The following EPSTI1 variants were observed in gnomAD, a reference collection of about 807,000 sequenced individuals.
EPSTI1 encodes epithelial stromal interaction 1.
Under a neutral mutation model 49.9 loss-of-function variants are expected in EPSTI1, and 66 were observed. The observed-to-expected ratio is 1.32, with a 90% confidence interval of 1.08 to 1.62. The LOEUF is 1.62. Among genes scored for constraint, EPSTI1 ranks in the 40% most tolerant of loss-of-function variants. The pLI is 0.00. For synonymous variants in EPSTI1, 137 were observed against 130.7 expected (o/e 1.05, Z -0.33); for missense variants, 394 against 365.5 (o/e 1.08, Z -0.64).
chr13:42,975,630 G>A (rs1413004737), intron 1 of EPSTI1, among the ~76,000 whole-genome samples: 1 of 152,192 alleles, frequency 6.6e-6, no homozygotes, highest in East Asian at 1.9e-4. Flanking sequence ...TAGAAAAAAA[G>A]TGCTGCTTCT....
rs758729554 is a variant in EPSTI1, at chr13:42,888,281, T to C, written c.*213A>G. The C allele has an allele frequency of 1.2e-5, 19 of 1,612,684 alleles. No homozygotes were observed. Among genetic ancestry groups the C allele is most frequent in the Middle Eastern group, 1.6e-4 (1 of 6,084 alleles). ...AAATAATGTAGCATTTCCCTGGCAG[T>C]AGAGATTAAATATGAGTTCAGGAAT... On this transcript the variant is annotated 3_prime_UTR_variant, in exon 11 of 11. Transcript: ENST00000313624.
chr13:42,969,337 C>T (rs1487292007), intron 2 of EPSTI1, 160 bp from the exon 3 acceptor site: 7 of 685,998 alleles, frequency 1.0e-5, no homozygotes, highest in African/African-American at 9.1e-5. Context: ...AGCCCTGACC[C>T]GTACAGGTCA....
intron 10 of EPSTI1, among the ~76,000 whole-genome samples, chr13:42,890,296 C>CTTT (rs71202241): frequency 2.4e-4 from 28 of 116,286 alleles, no homozygotes; most frequent in Middle Eastern, 4.8e-3. Context: ...TTTTTCTTTT[C>CTTT]TTTTTTTTTT....
chr13:42,991,516 C>G (rs943001124), intron 1 of EPSTI1, among the ~76,000 whole-genome samples: 2 of 152,220 alleles, frequency 1.3e-5, no homozygotes, highest in Admixed American at 1.3e-4. Flanking sequence ...AACTCCTGAC[C>G]TCAGGTGATC....
intron 10 of EPSTI1, among the ~76,000 whole-genome samples, chr13:42,894,479 A>G (rs1324037634): frequency 2.6e-5 from 4 of 152,232 alleles, no homozygotes; most frequent in African/African-American, 9.6e-5. Flanking sequence ...CATTAAACAC[A>G]TATTGCAACA....
intron 1 of EPSTI1, among the ~76,000 whole-genome samples, chr13:42,989,032 ATTTTTTTT>A (rs74772535): frequency 0.37 from 35,568 of 97,008 alleles, 6,112 homozygotes; most frequent in Non-Finnish European, 0.45. Flanking sequence ...GATAATTTAA[ATTTTTTTT>A]TTTTTTTTTT....
chr13:42,966,678 G>T (rs1215176042), intron 3 of EPSTI1, among the ~76,000 whole-genome samples: 13 of 78,020 alleles, frequency 1.7e-4, no homozygotes, highest in South Asian at 7.0e-4. Context: ...AGCCACCCCG[G>T]CCGGGAGGGA....
chr13:42,886,772 T>A lies in EPSTI1; in HGVS notation c.*1722A>T, dbSNP rs1267112817. 2 of 152,198 alleles carry A rather than the reference T, an allele frequency of 1.3e-5. No individual in the cohort carries two copies. Among genetic ancestry groups the A allele is most frequent in the African/African-American group, 4.8e-5 (2 of 41,454 alleles). The allele number at this position is 152,198 out of a possible 1,614,324, so 9.4% of individuals were successfully genotyped here. ...TTCTGGTCATGAAGTAAGTCACAAT[T>A]TTCCATATCTGCACAATTTTTAAAA... On this transcript the variant is annotated 3_prime_UTR_variant, in exon 11 of 11. Coordinates refer to ENST00000313624, the MANE Select transcript of EPSTI1 (RefSeq NM_033255.5).
At chr13:42,968,936 A>G (rs1225547534) in intron 3 of EPSTI1, among the ~76,000 whole-genome samples, 158 bp downstream of exon 3, 1 of 129,226 alleles carries the variant, frequency 7.7e-6, no homozygotes, top group East Asian at 2.3e-4. Flanking sequence ...ACACACACAC[A>G]CACACACACA....
In EPSTI1 at chr13:42,917,637, A is replaced by G. The variant is rs761187202; in HGVS notation, c.658-13T>C. 1.2e-5 allele frequency: 15 copies of G among 1,256,332 alleles called. No individual in the cohort carries two copies. The African/African-American group carries it at 2.8e-4, about 23-fold the overall frequency. The allele number at this position is 1,256,332 out of a possible 1,614,324, so 77.8% of individuals were successfully genotyped here. A position where few individuals can be genotyped will look rare whatever the true frequency, so the allele number is the denominator to read the frequency against. On this transcript the variant is annotated splice_polypyrimidine_tract_variant and intron_variant, in intron 7 of 10. Coordinates refer to ENST00000313624, the MANE Select transcript of EPSTI1 (RefSeq NM_033255.5). The stretch of plus-strand genomic sequence containing the variant: ...CCCAGCTTCTGGCCTGTAAAGGTAC[A>G]AAGAGAAAAAAAAAAAAAAAAACAA...
At chr13:42,960,022 C>G (rs1054352486) in intron 5 of EPSTI1, among the ~76,000 whole-genome samples, 1 of 68,618 alleles carries the variant, frequency 1.5e-5, no homozygotes, top group Non-Finnish European at 4.1e-5. Flanking sequence ...TTAAAGCATA[C>G]AAAGGATGTA....
chr13:42,897,030 G>A (rs746680176), intron 9 of EPSTI1, among the ~76,000 whole-genome samples: 1 of 151,352 alleles, frequency 6.6e-6, no homozygotes, highest in Non-Finnish European at 1.5e-5. Flanking sequence ...AACCTGGGAG[G>A]TGGAGTTTGC....
intron 6 of EPSTI1, among the ~76,000 whole-genome samples, chr13:42,949,591 CAA>C (rs199737689): frequency 1.9e-4 from 15 of 80,174 alleles, no homozygotes; most frequent in Non-Finnish European, 3.0e-4. Flanking sequence ...GACTCCATGT[CAA>C]AAAAAAAAAA....
In EPSTI1 at chr13:42,917,543, T is replaced by G; in HGVS notation, c.739A>C (p.Lys247Gln). 1 of 1,612,968 alleles carries G rather than the reference T, an allele frequency of 6.2e-7. No individual in the cohort carries two copies. Among genetic ancestry groups the G allele is most frequent in the Non-Finnish European group, 8.5e-7 (1 of 1,179,244 alleles). Residue 247 changes from lysine (K) to glutamine (Q), a missense_variant and splice_region_variant, in exon 8 of 11, where the codon AAG (lysine) becomes CAG (glutamine). Coordinates refer to ENST00000313624, the MANE Select transcript of EPSTI1 (RefSeq NM_033255.5). ...AACTAGTAGGGGCTTGTAAGTACCT[T>G]TTGATGTTGTTCATCCTTCATCTTT... ...LQKMKDEQHQ[K>Q]SELLELKRQQ...
At chr13:42,935,316 C>A (rs751809092) in intron 6 of EPSTI1, among the ~76,000 whole-genome samples, 1 of 152,210 alleles carries the variant, frequency 6.6e-6, no homozygotes, top group Non-Finnish European at 1.5e-5. Flanking sequence ...TTTTTTAAAT[C>A]TTTCCCTTAC....
At chr13:42,925,084 C>A (rs1200665833) in intron 7 of EPSTI1, among the ~76,000 whole-genome samples, 2 of 152,184 alleles carry the variant, frequency 1.3e-5, no homozygotes, top group African/African-American at 2.4e-5. Flanking sequence ...ACAAGCCCTG[C>A]CGCTTTCACC....
intron 1 of EPSTI1, among the ~76,000 whole-genome samples, chr13:42,975,072 G>C (rs868716843): frequency 2.6e-5 from 4 of 152,134 alleles, no homozygotes; most frequent in Middle Eastern, 3.4e-3. Context: ...AAAAGACTTA[G>C]AGATAATCAA....
At chr13:42,949,730 T>G (rs2039039187) in intron 6 of EPSTI1, among the ~76,000 whole-genome samples, 1 of 152,048 alleles carries the variant, frequency 6.6e-6, no homozygotes, top group Non-Finnish European at 1.5e-5. Context: ...AAAAGAACAC[T>G]TTTTCCTAAT....
At chr13:42,974,501 CAA>C (rs34955822) in intron 1 of EPSTI1, among the ~76,000 whole-genome samples, 2 of 151,152 alleles carry the variant, frequency 1.3e-5, no homozygotes, top group South Asian at 2.1e-4. Flanking sequence ...ACTAAAAATA[CAA>C]AAAAAATTAG....
Sources: allele counts gnomAD v4.1 joint callset (sites outside exome capture counted in the v4.1 genomes callset), GRCh38; gene constraint gnomAD v4.1.1; transcripts MANE v1.5; gene names NCBI Gene and HGNC (gene_info 2026-07-23, HGNC 2026-07-21).